The following KYNU variants were observed in gnomAD, a reference collection of about 807,000 sequenced individuals.
The protein encoded by KYNU is kynureninase, also known as L-kynurenine hydrolase.
Under a neutral mutation model 59.2 loss-of-function variants are expected in KYNU, and 54 were observed. The observed-to-expected ratio is 0.91, with a 90% CI of 0.73 to 1.14. The LOEUF (loss-of-function observed/expected upper bound fraction) is 1.14. KYNU is among the 50% of genes most tolerant of loss of function. The pLI is 0.00. For synonymous variants in KYNU, 177 were observed against 192.0 expected, an observed-to-expected ratio of 0.92 and a Z score of 0.65; for missense variants, 567 against 554.4, an observed-to-expected ratio of 1.02 and a Z score of -0.23.
intron 4 of KYNU, among the ~76,000 whole-genome samples, chr2:142,930,898 G>C (rs767492352): frequency 6.6e-6 from 1 of 152,190 alleles, no homozygotes; most frequent in Admixed American, 6.5e-5. Context: ...AGGTGGTGTG[G>C]AGCAACATGC....
intron 10 of KYNU, among the ~76,000 whole-genome samples, chr2:142,999,627 C>A (rs1454684890): frequency 6.6e-6 from 1 of 151,982 alleles, no homozygotes; most frequent in Non-Finnish European, 1.5e-5. Context: ...TTTTTATTTT[C>A]TTATTTAAAT....
chr2:143,019,398 G>GT (rs1274483491), intron 10 of KYNU, among the ~76,000 whole-genome samples: 1 of 152,072 alleles, frequency 6.6e-6, no homozygotes, highest in Admixed American at 6.6e-5. Context: ...TTATCATAAG[G>GT]TTTTTGTCCT....
chr2:142,929,011 A>T (rs1454564002), intron 4 of KYNU, among the ~76,000 whole-genome samples: 1 of 147,092 alleles, frequency 6.8e-6, no homozygotes, highest in Non-Finnish European at 1.5e-5. Context: ...CTGTCTCAAA[A>T]AAAAAAAAAA....
rs554321281 is a variant in KYNU, at chr2:143,053,315, A to C, written c.*11143A>C. On this transcript the variant is annotated 3_prime_UTR_variant, in exon 14 of 14. Coordinates refer to ENST00000264170, the MANE Select transcript of KYNU (RefSeq NM_003937.3). Reference sequence around the variant, plus strand: ...TTTCTGGATTCTAGAGGCTTCCCACAATCCTTGGCTTAAGGTCCATCTTTA... The same window carrying C: ...TTTCTGGATTCTAGAGGCTTCCCACCATCCTTGGCTTAAGGTCCATCTTTA... 5 of 152,352 alleles carry C rather than the reference A, an allele frequency of 3.3e-5. No homozygotes were observed. In the East Asian group the frequency reaches 9.6e-4, roughly 29 times the overall value. 9.4% of individuals were successfully genotyped at this position (152,352 alleles called of 1,614,324 possible).
chr2:143,043,858 T>G lies in KYNU; in HGVS notation c.*1686T>G, dbSNP rs1456997949. ...TATAAATATATATATATTTATACTT[T>G]AAGTTCTTGGATACACGTGCAGAAC... is the stretch of plus-strand genomic sequence containing the variant. On this transcript the variant is annotated 3_prime_UTR_variant, in exon 14 of 14. Coordinates refer to ENST00000264170, the MANE Select transcript of KYNU (RefSeq NM_003937.3). The G allele has an allele frequency of 6.7e-6, 1 of 149,164 alleles. No homozygotes were observed. Among genetic ancestry groups the G allele is most frequent in the East Asian group, 1.9e-4 (1 of 5,154 alleles). The allele number at this position is 149,164 out of a possible 1,614,324, so 9.2% of individuals were successfully genotyped here.
chr2:143,030,010 C>G (rs1189058013), intron 11 of KYNU, among the ~76,000 whole-genome samples: 1 of 152,144 alleles, frequency 6.6e-6, no homozygotes, highest in Non-Finnish European at 1.5e-5. Context: ...GGAGTCAGAT[C>G]CAGAAAGACC....
chr2:142,887,511 C>G (rs1681557802), intron 2 of KYNU, among the ~76,000 whole-genome samples: 1 of 152,134 alleles, frequency 6.6e-6, no homozygotes, highest in Non-Finnish European at 1.5e-5. Flanking sequence ...TCATGTTCAT[C>G]ATAGCATTAT....
intron 2 of KYNU, among the ~76,000 whole-genome samples, chr2:142,900,538 G>A (rs998552717): frequency 1.3e-5 from 2 of 152,286 alleles, no homozygotes; most frequent in South Asian, 4.1e-4. Context: ...TGCCTAGTTA[G>A]CATTTTAGTG....
chr2:142,979,606 A>G lies in KYNU; in HGVS notation c.730-5478A>G, dbSNP rs6748173. Among the ~76,000 whole-genome samples, 572 of 152,156 alleles carry G rather than the reference A, an allele frequency of 3.8e-3. 7 individuals carry two copies. The highest frequency in any genetic ancestry group is 0.013 in the African/African-American group (549 of 41,524). ...TTTATGTAAATAGAGAGAAGTCTAT[A>G]TGGGGTATCTGAACAAGGGGCACTA... On this transcript the variant is annotated intron_variant, in intron 8 of 13. Transcript: ENST00000264170.
At chr2:142,982,860 C>T (rs1685087170) in intron 8 of KYNU, among the ~76,000 whole-genome samples, 1 of 152,008 alleles carries the variant, frequency 6.6e-6, no homozygotes, top group African/African-American at 2.4e-5. Context: ...ACTAGAAGAA[C>T]TCACGCAGTA....
At chr2:142,915,943 T>C (rs1431209169) in intron 2 of KYNU, among the ~76,000 whole-genome samples, 1 of 151,948 alleles carries the variant, frequency 6.6e-6, no homozygotes. Flanking sequence ...GATGTTCTTA[T>C]AAAAGGGGGA....
At position 143,045,501 on chromosome 2, in the gene KYNU, G is replaced by A. The variant is rs112211045; in HGVS notation, c.*3329G>A. 0.16 allele frequency: 23,965 copies of A among 151,782 alleles called. 1,969 individuals carry two copies. The highest frequency in any genetic ancestry group is 0.27 in the East Asian group (1,394 of 5,156). The allele number at this position is 151,782 out of a possible 1,614,324, so 9.4% of individuals were successfully genotyped here. A position where few individuals can be genotyped will look rare whatever the true frequency, so the allele number is the denominator to read the frequency against. On this transcript the variant is annotated 3_prime_UTR_variant, in exon 14 of 14. Transcript: ENST00000264170. ...TTTCCATTTGTTTGTGTCCTCTCTG[G>A]TATCCTTGAGCAGTGGTTTGTAGTT...
At chr2:143,003,894 G>GAAA (rs201777847) in intron 10 of KYNU, among the ~76,000 whole-genome samples, 18,743 of 152,142 alleles carry the variant, frequency 0.12, 1,312 homozygotes, top group East Asian at 0.24. Flanking sequence ...TAAATATAAA[G>GAAA]AACGCTGTGT....
At chr2:143,006,726 C>G (rs59932754) in intron 10 of KYNU, among the ~76,000 whole-genome samples, 7,940 of 151,670 alleles carry the variant, frequency 0.052, 557 homozygotes, top group African/African-American at 0.16. Flanking sequence ...GGCAGACTGC[C>G]TCCTCAAGTG....
intron 10 of KYNU, among the ~76,000 whole-genome samples, chr2:143,016,914 C>A (rs933495612): frequency 6.6e-6 from 1 of 152,020 alleles, no homozygotes; most frequent in Non-Finnish European, 1.5e-5. Context: ...TTTAGTAGTC[C>A]GCAGTGTCTG....
intron 2 of KYNU, among the ~76,000 whole-genome samples, chr2:142,916,102 C>A (rs1168780385): frequency 2.0e-5 from 3 of 152,032 alleles, no homozygotes; most frequent in Non-Finnish European, 4.4e-5. Flanking sequence ...GGACTCAGAG[C>A]CTGCAAAATT....
At chr2:142,915,373 A>C (rs1035416754) in intron 2 of KYNU, among the ~76,000 whole-genome samples, 5 of 152,240 alleles carry the variant, frequency 3.3e-5, no homozygotes, top group South Asian at 2.1e-4. Flanking sequence ...GAGGAATAAG[A>C]AGCAGCAGCA....
rs1687256276 is a variant in KYNU, at chr2:143,050,943, G to T, written c.*8771G>T. On this transcript the variant is annotated 3_prime_UTR_variant, in exon 14 of 14. Transcript: ENST00000264170. ...CACAACCTGGGAATCAAAGTATTAG[G>T]GTACCTTGTTACTGAGATTATGGAT... is the stretch of plus-strand genomic sequence containing the variant. 6.6e-6 allele frequency: 1 copy of T among 152,042 alleles called. No individual in the cohort carries two copies. Among genetic ancestry groups the T allele is most frequent in the African/African-American group, 2.4e-5 (1 of 41,390 alleles). 9.4% of individuals were successfully genotyped at this position (152,042 alleles called of 1,614,324 possible).
In KYNU at chr2:143,049,648, A is replaced by G. The variant is rs1476441919; in HGVS notation, c.*7476A>G. On this transcript the variant is annotated 3_prime_UTR_variant, in exon 14 of 14. Transcript: ENST00000264170. ...GGTTTCCCTGATGAGCACTCCTTCAATAAAACATAGTCATCCAAATCCCAA... is the reference window on the plus strand; with the variant it reads ...GGTTTCCCTGATGAGCACTCCTTCAGTAAAACATAGTCATCCAAATCCCAA... 6.6e-6 allele frequency: 1 copy of G among 152,156 alleles called. No individual in the cohort carries two copies. Among genetic ancestry groups the G allele is most frequent in the Non-Finnish European group, 1.5e-5 (1 of 68,044 alleles). The allele number at this position is 152,156 out of a possible 1,614,324, so 9.4% of individuals were successfully genotyped here.
Sources: allele counts gnomAD v4.1 joint callset (sites outside exome capture counted in the v4.1 genomes callset), GRCh38; gene constraint gnomAD v4.1.1; transcripts MANE v1.5; gene names NCBI Gene and HGNC (gene_info 2026-07-23, HGNC 2026-07-21).